Variants in SGCZ observed in about 807,000 individuals in gnomAD.
SGCZ encodes sarcoglycan zeta, also known as zeta-sarcoglycan.
SGCZ carries 40 observed loss-of-function variants against 41.3 expected under a neutral mutation model. The ratio of observed to expected loss-of-function variants is 0.97; its 90% confidence interval spans 0.75 to 1.26. The LOEUF is 1.26. Ranked by LOEUF, SGCZ falls within the 50% of genes most tolerant of loss-of-function variation. The pLI is 0.00. For missense variants in SGCZ, 552 were observed against 369.8 expected, an observed-to-expected ratio of 1.49 and a Z score of -4.04; for synonymous variants, 206 against 137.5, an observed-to-expected ratio of 1.50 and a Z score of -3.49.
At chr8:14,518,764 C>A (rs1376962593) in intron 2 of SGCZ, among the ~76,000 whole-genome samples, 1 of 140,370 alleles carries the variant, frequency 7.1e-6, no homozygotes, top group Admixed American at 7.0e-5. Flanking sequence ...ATTAGATAGG[C>A]AGACAGACAG....
At chr8:14,303,813 GC>G (rs1180451751) in intron 3 of SGCZ, among the ~76,000 whole-genome samples, 1 of 151,930 alleles carries the variant, frequency 6.6e-6, no homozygotes, top group Non-Finnish European at 1.5e-5. Context: ...GTGAAGTGGC[GC>G]GATCTCGGCT....
At chr8:15,134,371 A>G (rs932180165) in intron 1 of SGCZ, among the ~76,000 whole-genome samples, 4 of 151,786 alleles carry the variant, frequency 2.6e-5, no homozygotes, top group Non-Finnish European at 5.9e-5. Flanking sequence ...ACTAAATTAC[A>G]TGGTCAAAAA....
At chr8:14,850,851 G>A (rs1414216672) in intron 1 of SGCZ, among the ~76,000 whole-genome samples, 2 of 152,042 alleles carry the variant, frequency 1.3e-5, no homozygotes, top group Non-Finnish European at 2.9e-5. Context: ...TCTCCTTCCT[G>A]CCACCTTCTG....
rs770103532 is a variant in SGCZ, at chr8:14,088,495, T to C, written c.*1948A>G. Reference sequence around the variant, plus strand: ...AGCACACATAATTTCTCAATATTTCTTGTATTATACTTTATTTTGCAAAGA... The same window carrying C: ...AGCACACATAATTTCTCAATATTTCCTGTATTATACTTTATTTTGCAAAGA... On this transcript the variant is annotated 3_prime_UTR_variant, in exon 8 of 8. Coordinates refer to ENST00000382080, the MANE Select transcript of SGCZ (RefSeq NM_139167.4). Among the ~76,000 whole-genome samples the C allele has an allele frequency of 2.0e-5, 3 of 151,900 alleles. No individual in the cohort carries two copies. Among genetic ancestry groups the C allele is most frequent in the African/African-American group, 4.8e-5 (2 of 41,416 alleles).
At chr8:15,172,022 G>A (rs971588859) in intron 1 of SGCZ, among the ~76,000 whole-genome samples, 62 of 151,718 alleles carry the variant, frequency 4.1e-4, no homozygotes, top group African/African-American at 1.4e-3. Flanking sequence ...CTAATAACTT[G>A]AAAACAGAGA....
chr8:14,625,591 G>A (rs2117382408), intron 1 of SGCZ, among the ~76,000 whole-genome samples: 1 of 152,024 alleles, frequency 6.6e-6, no homozygotes, highest in South Asian at 2.1e-4. Flanking sequence ...TGTTGTTGTT[G>A]TTTTTGTTTT....
intron 2 of SGCZ, among the ~76,000 whole-genome samples, chr8:14,329,237 C>T (rs918356364): frequency 2.6e-5 from 4 of 152,082 alleles, no homozygotes; most frequent in Non-Finnish European, 5.9e-5. Flanking sequence ...TAACTGTTGA[C>T]TTTGACATGT....
intron 1 of SGCZ, among the ~76,000 whole-genome samples, chr8:14,663,948 G>C (rs1383614039): frequency 2.0e-5 from 3 of 152,130 alleles, no homozygotes; most frequent in African/African-American, 7.2e-5. Flanking sequence ...CAGCGGCTTA[G>C]ACACTTAGCT....
At chr8:14,177,940 C>CTTCTTTTTTT (rs1563168732) in intron 4 of SGCZ, among the ~76,000 whole-genome samples, 2 of 91,522 alleles carry the variant, frequency 2.2e-5, no homozygotes, top group East Asian at 6.5e-4. Context: ...TTCTTTTTTC[C>CTTCTTTTTTT]TTCTTTTCTT....
chr8:14,264,919 C>T (rs1195547806), intron 3 of SGCZ, among the ~76,000 whole-genome samples: 2 of 152,068 alleles, frequency 1.3e-5, no homozygotes, highest in Admixed American at 6.6e-5. Flanking sequence ...GCCGAGATGG[C>T]GCCACTGCAC....
chr8:15,029,104 C>T (rs1352406214), intron 1 of SGCZ, among the ~76,000 whole-genome samples: 2 of 151,978 alleles, frequency 1.3e-5, no homozygotes, highest in East Asian at 1.9e-4. Flanking sequence ...TTTCATGGAA[C>T]GAATCTTGAT....
At chr8:15,012,840 C>A (rs1802890861) in intron 1 of SGCZ, among the ~76,000 whole-genome samples, 2 of 150,680 alleles carry the variant, frequency 1.3e-5, no homozygotes, top group Admixed American at 6.7e-5. Context: ...CTCAACATTT[C>A]TTTTTCAGTA....
chr8:14,468,173 A>G (rs867254848), intron 2 of SGCZ, among the ~76,000 whole-genome samples: 49 of 151,998 alleles, frequency 3.2e-4, no homozygotes, highest in African/African-American at 1.2e-3. Context: ...ATTACTTTAC[A>G]TAAGTTGTAA....
Position 14,330,325 on chromosome 8 carries a change from T to G in SGCZ, c.235-6121A>C, listed in dbSNP as rs529060381. 3.9e-5 allele frequency among the ~76,000 whole-genome samples: 6 copies of G among 152,198 alleles called. No homozygotes were observed. In the South Asian group the frequency reaches 1.2e-3, roughly 32 times the overall value. ...TTGAATTGAATAGAATTTACCTCTT[T>G]ACTTAAATAACAAAAACTCCAAAAC... On this transcript the variant is annotated intron_variant, in intron 2 of 7. Transcript: ENST00000382080.
In SGCZ at chr8:15,103,200, C is replaced by A. The variant is rs187076699; in HGVS notation, c.39+134385G>T. On this transcript the variant is annotated intron_variant, in intron 1 of 7. Transcript: ENST00000382080. ...TGCATCAGCTGAGGTCAGGAGTTTG[C>A]AACCAACCTGGCCAACACGGTGGAA... Among the ~76,000 whole-genome samples the A allele has an allele frequency of 9.4e-3, 1,423 of 151,916 alleles. 9 individuals are homozygous for A. The highest frequency in any genetic ancestry group is 0.027 in the Middle Eastern group (8 of 292).
intron 5 of SGCZ, among the ~76,000 whole-genome samples, chr8:14,135,609 A>G (rs958211998): frequency 8.5e-5 from 13 of 152,226 alleles, no homozygotes. Context: ...ATCGACATGA[A>G]ATAAACAATC....
intron 4 of SGCZ, among the ~76,000 whole-genome samples, chr8:14,232,325 G>A (rs1434243239): frequency 6.6e-6 from 1 of 151,882 alleles, no homozygotes; most frequent in African/African-American, 2.4e-5. Flanking sequence ...GAAGAAACCA[G>A]TCAACTCTGC....
chr8:14,357,657 G>C (rs1369220692), intron 2 of SGCZ, among the ~76,000 whole-genome samples: 1 of 152,084 alleles, frequency 6.6e-6, no homozygotes, highest in African/African-American at 2.4e-5. Flanking sequence ...AATGTCAAAG[G>C]CATTGACTGT....
chr8:15,100,167 A>T (rs1598186), intron 1 of SGCZ, among the ~76,000 whole-genome samples: 126,367 of 152,078 alleles, frequency 0.83, 52,603 homozygotes, highest in Non-Finnish European at 0.86. Flanking sequence ...AAGACCCTTG[A>T]ATTTTCGGAT....
Sources: allele counts gnomAD v4.1 joint callset (sites outside exome capture counted in the v4.1 genomes callset), GRCh38; gene constraint gnomAD v4.1.1; transcripts MANE v1.5; gene names NCBI Gene and HGNC (gene_info 2026-07-23, HGNC 2026-07-21).